Variants in RBFOX2 observed in about 807,000 individuals in gnomAD.
RBFOX2 encodes RNA binding fox-1 homolog 2.
RBFOX2 carries 10 observed loss-of-function variants against 49.1 expected under a neutral mutation model. The ratio of observed to expected loss-of-function variants is 0.20; its 90% CI spans 0.13 to 0.35. The LOEUF is 0.35. Ranked by LOEUF, RBFOX2 falls within the 10% of genes least tolerant of loss-of-function variation. The probability of loss-of-function intolerance (pLI) is 1.00; values close to 1 mark genes in which losing one functional copy is unlikely to be tolerated. For missense variants in RBFOX2, 323 were observed against 486.9 expected, an observed-to-expected ratio of 0.66 and a Z score of 3.17; for synonymous variants, 183 against 187.4, an observed-to-expected ratio of 0.98 and a Z score of 0.19.
At chr22:35,778,910 C>T (rs12168575) in intron 3 of RBFOX2, among the ~76,000 whole-genome samples, 1 of 152,116 alleles carries the variant, frequency 6.6e-6, no homozygotes, top group Admixed American at 6.6e-5. Context: ...GCATATATTG[C>T]TTTTATTTTT....
intron 1 of RBFOX2, among the ~76,000 whole-genome samples, chr22:35,852,327 T>C (rs2042033513): frequency 6.6e-6 from 1 of 151,978 alleles, no homozygotes; most frequent in African/African-American, 2.4e-5. Flanking sequence ...GAGAGGACTA[T>C]ATATTCTAAC....
intron 9 of RBFOX2, 38 bp from the exon 12 acceptor site, chr22:35,746,599 T>C (rs746836788): frequency 7.4e-7 from 1 of 1,351,316 alleles, no homozygotes; most frequent in Non-Finnish European, 1.0e-6. Flanking sequence ...CAGATACCTC[T>C]CCCCCCAGGT....
chr22:35,918,161 T>C lies in RBFOX2; in HGVS notation c.-34+20686A>G, dbSNP rs2050635416. Among the ~76,000 whole-genome samples the C allele has an allele frequency of 3.9e-5, 6 of 152,200 alleles. No homozygotes were observed. The South Asian group carries it at 1.2e-3, about 32-fold the overall frequency. Reference sequence around the variant, plus strand: ...GCTGACATGCCAAAGGGCCAGGGTATCAAGACAAATGATTACAATTCACTC... The same window carrying C: ...GCTGACATGCCAAAGGGCCAGGGTACCAAGACAAATGATTACAATTCACTC... On this transcript the variant is annotated intron_variant, in intron 1 of 13. Transcript: ENST00000359369.
intron 1 of RBFOX2, among the ~76,000 whole-genome samples, chr22:35,904,697 T>C (rs1293364318): frequency 6.6e-6 from 1 of 152,224 alleles, no homozygotes; most frequent in Non-Finnish European, 1.5e-5. Context: ...CTTCCAAAAC[T>C]ATAAATTTAT....
chr22:36,024,492 A>C (rs893602913), intron 1 of RBFOX2, among the ~76,000 whole-genome samples: 1 of 152,164 alleles, frequency 6.6e-6, no homozygotes, highest in African/African-American at 2.4e-5. Flanking sequence ...CTGTAATCTC[A>C]GCACTTTGGG....
intron 1 of RBFOX2, among the ~76,000 whole-genome samples, chr22:35,971,259 T>C (rs909811405): frequency 2.0e-5 from 3 of 152,164 alleles, no homozygotes; most frequent in African/African-American, 7.2e-5. Flanking sequence ...CACTCACCCT[T>C]TGGCACACAG....
intron 1 of RBFOX2, among the ~76,000 whole-genome samples, chr22:35,866,080 A>C (rs2043648278): frequency 6.6e-6 from 1 of 152,178 alleles, no homozygotes; most frequent in Non-Finnish European, 1.5e-5. Flanking sequence ...TAACTAGAAA[A>C]ATAGTATATT....
At chr22:35,756,894 A>G (rs1937126916) in intron 9 of RBFOX2, among the ~76,000 whole-genome samples, 2 of 152,068 alleles carry the variant, frequency 1.3e-5, no homozygotes, top group Admixed American at 6.5e-5. Context: ...CCCACAATGC[A>G]TTGCTTTCAC....
chr22:35,863,567 C>T (rs1012442609), intron 1 of RBFOX2, among the ~76,000 whole-genome samples: 12 of 152,108 alleles, frequency 7.9e-5, no homozygotes, highest in African/African-American at 2.7e-4. Context: ...GACAGCTGCA[C>T]CTGACTCTCA....
chr22:35,946,508 G>A (rs2054292060), intron 1 of RBFOX2, among the ~76,000 whole-genome samples: 1 of 152,140 alleles, frequency 6.6e-6, no homozygotes, highest in African/African-American at 2.4e-5. Flanking sequence ...AGATAATCAG[G>A]TGACGCTTAT....
chr22:35,964,937 AGTTATT>A (rs1237626893), upstream of RBFOX2, among the ~76,000 whole-genome samples: 2 of 152,242 alleles, frequency 1.3e-5, no homozygotes, highest in Admixed American at 6.5e-5. Context: ...TTTAGAAAAT[AGTTATT>A]GTCTTTCAAA....
intron 1 of RBFOX2, among the ~76,000 whole-genome samples, chr22:35,925,192 AAAAAAT>A (rs1358504214): frequency 6.6e-6 from 1 of 151,442 alleles, no homozygotes; most frequent in African/African-American, 2.4e-5. Flanking sequence ...ACTTTATCTC[AAAAAAT>A]AAAAATAAAA....
At chr22:36,014,136 T>TA (rs60853402) in intron 1 of RBFOX2, among the ~76,000 whole-genome samples, 2 of 151,664 alleles carry the variant, frequency 1.3e-5, no homozygotes, top group Non-Finnish European at 1.5e-5. Flanking sequence ...TTTTTTTTTT[T>TA]ATTGAGACAG....
intron 2 of RBFOX2, among the ~76,000 whole-genome samples, chr22:35,794,908 G>A (rs73413805): frequency 0.048 from 7,343 of 152,192 alleles, 606 homozygotes; most frequent in African/African-American, 0.16. Flanking sequence ...AAGTAGGTAA[G>A]TAAATAAACC....
At chr22:35,800,838 T>C (rs1000945172) in intron 2 of RBFOX2, among the ~76,000 whole-genome samples, 1 of 152,218 alleles carries the variant, frequency 6.6e-6, no homozygotes, top group African/African-American at 2.4e-5. Flanking sequence ...AATTTAAAAA[T>C]CACAATTTAT....
intron 1 of RBFOX2, among the ~76,000 whole-genome samples, chr22:35,847,155 C>G (rs778702212): frequency 6.6e-6 from 1 of 152,176 alleles, no homozygotes; most frequent in Non-Finnish European, 1.5e-5. Flanking sequence ...TCTCCTTACT[C>G]TGCCTGATTT....
At chr22:35,740,254 TCAGTAAAGCAAGTATGAAG>T (rs914516711) in exon 12 of RBFOX2, 1 of 152,350 alleles carries the variant, frequency 6.6e-6, no homozygotes, top group Non-Finnish European at 1.5e-5. Flanking sequence ...GCCTGGCTGA[TCAGTAAAGCAAGTATGAAG>T]GAAGTACATA....
chr22:35,804,787 C>A (rs932943045), intron 2 of RBFOX2, among the ~76,000 whole-genome samples: 1 of 151,920 alleles, frequency 6.6e-6, no homozygotes, highest in Non-Finnish European at 1.5e-5. Flanking sequence ...GGAAATGACA[C>A]TGCATAATAA....
At chr22:35,903,361 T>A (rs1164348278) in intron 1 of RBFOX2, among the ~76,000 whole-genome samples, 1 of 152,148 alleles carries the variant, frequency 6.6e-6, no homozygotes, top group Non-Finnish European at 1.5e-5. Flanking sequence ...AATGCCATTT[T>A]TTTTGTTTTT....
Sources: gnomAD v4.1 joint callset for allele counts (sites outside exome capture counted in the v4.1 genomes callset) on GRCh38, gnomAD v4.1.1 for gene constraint, MANE v1.5 for transcripts, NCBI Gene and HGNC (gene_info 2026-07-23, HGNC 2026-07-21) for gene names.